The following RERE variants were observed in gnomAD, a reference collection of about 807,000 sequenced individuals.
RERE encodes arginine-glutamic acid dipeptide repeats.
A neutral mutation model predicts 146.1 loss-of-function variants in RERE; 40 were observed. The ratio of observed to expected loss-of-function variants is 0.27; its 90% confidence interval spans 0.21 to 0.36. RERE has a LOEUF of 0.36. Among genes scored for constraint, RERE ranks in the 10% least tolerant of loss-of-function variants. The probability of loss-of-function intolerance (pLI) is 1.00; values close to 1 mark genes in which losing one functional copy is unlikely to be tolerated. For synonymous variants in RERE, 1,003 were observed against 866.0 expected, an observed-to-expected ratio of 1.16 and a Z score of -2.78; for missense variants, 1,933 against 2,138.7, an observed-to-expected ratio of 0.90 and a Z score of 1.90.
At chr1:8,703,517 G>GCGCGCA (rs1404663400) in intron 1 of RERE, among the ~76,000 whole-genome samples, 1 of 152,058 alleles carries the variant, frequency 6.6e-6, no homozygotes, top group African/African-American at 2.4e-5. Context: ...CGCCGCGGGC[G>GCGCGCA]CGCGCACACA....
At chr1:8,476,210 C>CA (rs758494038) in intron 10 of RERE, among the ~76,000 whole-genome samples, 18 of 152,160 alleles carry the variant, frequency 1.2e-4, no homozygotes, top group Non-Finnish European at 2.1e-4. Context: ...CTCTCTTCCA[C>CA]AGCCAGAGTA....
chr1:8,520,762 A>AAAC (rs1645485351), intron 7 of RERE, among the ~76,000 whole-genome samples: 1 of 149,544 alleles, frequency 6.7e-6, no homozygotes. Context: ...TTTAAAAAAA[A>AAAC]AAAAAAAAAA....
At chr1:8,602,561 T>C (rs1646646806) in intron 4 of RERE, among the ~76,000 whole-genome samples, 1 of 150,880 alleles carries the variant, frequency 6.6e-6, no homozygotes, top group South Asian at 2.1e-4. Context: ...TATACCGATG[T>C]CTACCCACTA....
chr1:8,438,888 T>C (rs1377922614), intron 11 of RERE, among the ~76,000 whole-genome samples: 1 of 152,250 alleles, frequency 6.6e-6, no homozygotes, highest in East Asian at 1.9e-4. Flanking sequence ...TTAAAATGTT[T>C]ACAACAAAAC....
chr1:8,401,834 C>T (rs1258026142), intron 12 of RERE, among the ~76,000 whole-genome samples: 1 of 151,880 alleles, frequency 6.6e-6, no homozygotes, highest in Non-Finnish European at 1.5e-5. Flanking sequence ...AACAATACAA[C>T]ACAGTGTAAG....
chr1:8,434,357 A>T (rs1644138805), intron 11 of RERE, among the ~76,000 whole-genome samples: 1 of 152,204 alleles, frequency 6.6e-6, no homozygotes. Context: ...GAAAGCTAGA[A>T]AGAAGCTTTA....
intron 12 of RERE, among the ~76,000 whole-genome samples, chr1:8,372,513 T>TGTGTGTGTGTGTGG (rs1642077324): frequency 6.7e-6 from 1 of 150,240 alleles, no homozygotes; most frequent in African/African-American, 2.5e-5. Context: ...AGGTCGTGTG[T>TGTGTGTGTGTGTGG]GTGTGTGTGT....
In RERE at chr1:8,355,591, AG is replaced by A; in HGVS notation, c.4494del (p.Tyr1499ThrfsTer60). 1 of 1,576,918 alleles carries A rather than the reference AG, an allele frequency of 6.3e-7. No individual in the cohort carries two copies. Among genetic ancestry groups the A allele is most frequent in the Admixed American group, 1.7e-5 (1 of 57,174 alleles). On this transcript the variant is annotated frameshift_variant, in exon 22 of 23. Coordinates refer to ENST00000400908, the MANE Select transcript of RERE (RefSeq NM_001042681.2). LOFTEE classifies it high-confidence loss of function. The stretch of plus-strand genomic sequence containing the variant: ...ATGGCCCCAGGCAGGTCACGGGGGT[AG>A]GGGGTGCCTGCCGAACACAAAACAA... ...EMLRHPVFGT[P>X]YPRDLPGAIP... is the part of the protein sequence containing the mutation.
chr1:8,651,964 A>G (rs1366424009), intron 2 of RERE, among the ~76,000 whole-genome samples: 1 of 152,114 alleles, frequency 6.6e-6, no homozygotes, highest in Non-Finnish European at 1.5e-5. Flanking sequence ...TACAGGTGTG[A>G]GCCACCTTGC....
At chr1:8,391,135 C>T (rs1386929397) in intron 12 of RERE, among the ~76,000 whole-genome samples, 3 of 152,136 alleles carry the variant, frequency 2.0e-5, no homozygotes, top group African/African-American at 4.8e-5. Context: ...GATGTTACTT[C>T]CCTGTTTGAG....
intron 12 of RERE, among the ~76,000 whole-genome samples, chr1:8,417,237 A>G (rs1480822735): frequency 6.6e-6 from 1 of 152,236 alleles, no homozygotes; most frequent in Non-Finnish European, 1.5e-5. Flanking sequence ...CAGAAACCTG[A>G]TTACTCAGTC....
intron 4 of RERE, among the ~76,000 whole-genome samples, chr1:8,590,125 C>A (rs564645201): frequency 1.3e-5 from 2 of 152,230 alleles, no homozygotes; most frequent in African/African-American, 4.8e-5. Flanking sequence ...CATCTGAGAG[C>A]TGGCCAGACA....
intron 1 of RERE, among the ~76,000 whole-genome samples, chr1:8,792,803 G>T (rs1418230071): frequency 1.3e-5 from 2 of 152,080 alleles, no homozygotes; most frequent in African/African-American, 2.4e-5. Context: ...CTTACATCGG[G>T]TATGTTTCTC....
chr1:8,405,885 T>C (rs1557614750), intron 12 of RERE, among the ~76,000 whole-genome samples: 1 of 152,184 alleles, frequency 6.6e-6, no homozygotes, highest in Non-Finnish European at 1.5e-5. Context: ...TCTACCCGCC[T>C]CAGCCTCCCA....
intron 4 of RERE, among the ~76,000 whole-genome samples, chr1:8,574,119 T>C (rs952441565): frequency 1.1e-4 from 17 of 152,288 alleles, no homozygotes; most frequent in African/African-American, 4.1e-4. Flanking sequence ...GTGTTGTATT[T>C]CCATTAATAA....
chr1:8,797,341 G>T (rs1010189876), intron 1 of RERE, among the ~76,000 whole-genome samples: 8 of 150,952 alleles, frequency 5.3e-5, no homozygotes, highest in Non-Finnish European at 1.0e-4. Context: ...TCACACCACT[G>T]CACACCAGCC....
In RERE at chr1:8,367,112, G is replaced by A. The variant is rs751563999; in HGVS notation, c.1285-1138C>T. ...AAACACTGTCTTGTGAATGGAGGAGGCAAAAAGAGAGAGGGGAAAGTGAGA... is the reference window on the plus strand; with the variant it reads ...AAACACTGTCTTGTGAATGGAGGAGACAAAAAGAGAGAGGGGAAAGTGAGA... On this transcript the variant is annotated intron_variant, in intron 12 of 22. Transcript: ENST00000400908. 1.4e-4 allele frequency among the ~76,000 whole-genome samples: 21 copies of A among 152,132 alleles called. 1 individual carries two copies. The highest frequency in any genetic ancestry group is 2.4e-4 in the Non-Finnish European group (16 of 68,024).
intron 1 of RERE, among the ~76,000 whole-genome samples, chr1:8,705,155 T>C (rs953959995): frequency 1.3e-5 from 2 of 152,206 alleles, no homozygotes; most frequent in East Asian, 3.8e-4. Context: ...CAGTTTATAG[T>C]GAGTTGGAAA....
Position 8,525,743 on chromosome 1 carries a change from G to C in RERE, c.830+15471C>G, listed in dbSNP as rs781651869. On this transcript the variant is annotated intron_variant, in intron 7 of 22. Transcript: ENST00000400908. The stretch of plus-strand genomic sequence containing the variant: ...ACCCATCACTGTTTCGGTGAGGCCA[G>C]GGGAAGATAGCCTACCTGCAGGGGC... 6 of 1,594,042 alleles carry C rather than the reference G, an allele frequency of 3.8e-6. No homozygotes were observed. In the Admixed American group the frequency reaches 8.8e-5, roughly 23 times the overall value.
Sources: allele counts gnomAD v4.1 joint callset (sites outside exome capture counted in the v4.1 genomes callset), GRCh38; gene constraint gnomAD v4.1.1; transcripts MANE v1.5; gene names NCBI Gene and HGNC (gene_info 2026-07-23, HGNC 2026-07-21).